Variants in LIMCH1 observed in about 807,000 individuals in gnomAD.
LIMCH1 encodes LIM and calponin homology domains 1, also known as LIM and calponin homology domains-containing protein 1.
LIMCH1 carries 113 observed loss-of-function variants against 176.5 expected under a neutral mutation model. The observed-to-expected ratio is 0.64, with a 90% CI of 0.55 to 0.75. The LOEUF is 0.75. LIMCH1 is among the 30% of genes least tolerant of loss of function. The pLI, the probability that LIMCH1 is intolerant of heterozygous loss-of-function variation, is 0.00. For synonymous variants in LIMCH1, 619 were observed against 645.9 expected (o/e 0.96, Z 0.63); for missense variants, 1,674 against 1,814.9 (o/e 0.92, Z 1.41).
At chr4:41,568,913 G>A (rs889056704) in intron 1 of LIMCH1, among the ~76,000 whole-genome samples, 1 of 150,898 alleles carries the variant, frequency 6.6e-6, no homozygotes, top group Non-Finnish European at 1.5e-5. Context: ...TTTTCTCTTT[G>A]TGTTTTTAGT....
At chr4:41,537,418 A>G (rs1043084611), upstream of LIMCH1, among the ~76,000 whole-genome samples, 41 of 152,366 alleles carry the variant, frequency 2.7e-4, no homozygotes, top group African/African-American at 7.7e-4. Flanking sequence ...CAGTAGCATG[A>G]ACAGCCATAA....
chr4:41,583,269 T>A (rs1021984532), intron 1 of LIMCH1, among the ~76,000 whole-genome samples: 3 of 152,176 alleles, frequency 2.0e-5, no homozygotes, highest in African/African-American at 7.2e-5. Flanking sequence ...CAAACCTGAG[T>A]GCTTAGGAAA....
At chr4:41,375,634 G>A (rs1290345448) in intron 1 of LIMCH1, among the ~76,000 whole-genome samples, 1 of 152,188 alleles carries the variant, frequency 6.6e-6, no homozygotes, top group Non-Finnish European at 1.5e-5. Flanking sequence ...TGCAGTTGCT[G>A]TTCACCGGAC....
chr4:41,644,363 C>A, intron 14 of LIMCH1, 137 bp from the exon 15 acceptor site: 1 of 1,181,348 alleles, frequency 8.5e-7, no homozygotes, highest in Non-Finnish European at 1.1e-6. Context: ...CACCGCCAGT[C>A]ACGCGCTGTG....
intron 1 of LIMCH1, among the ~76,000 whole-genome samples, chr4:41,576,861 G>A (rs1336219215): frequency 2.0e-5 from 3 of 152,076 alleles, no homozygotes; most frequent in Admixed American, 1.3e-4. Context: ...TTAAAATATG[G>A]AGGAGGATGT....
At chr4:41,467,634 T>C (rs760752664) in intron 1 of LIMCH1, among the ~76,000 whole-genome samples, 1 of 152,160 alleles carries the variant, frequency 6.6e-6, no homozygotes, top group Non-Finnish European at 1.5e-5. Context: ...ATTATTACAA[T>C]TCAAGGTGAG....
intron 1 of LIMCH1, among the ~76,000 whole-genome samples, chr4:41,469,665 G>GATTT (rs71198659): frequency 0.052 from 7,647 of 148,326 alleles, 289 homozygotes; most frequent in Admixed American, 0.13. Flanking sequence ...CTTGTTTTGA[G>GATTT]ATTTATTTAT....
chr4:41,407,832 T>C (rs1247679716), intron 1 of LIMCH1, among the ~76,000 whole-genome samples: 1 of 152,126 alleles, frequency 6.6e-6, no homozygotes, highest in Non-Finnish European at 1.5e-5. Flanking sequence ...GCTGCTACTT[T>C]CCCAGGTTCT....
rs1326974870 is a variant in LIMCH1 at position 41,698,480 on chromosome 4, G to A, written c.*1295G>A. The A allele has an allele frequency of 6.6e-6, 1 of 152,414 alleles. No homozygotes were observed. Among genetic ancestry groups the A allele is most frequent in the Admixed American group, 6.5e-5 (1 of 15,270 alleles). The allele number at this position is 152,414 out of a possible 1,614,324, so 9.4% of individuals were successfully genotyped here. A position where few individuals can be genotyped will look rare whatever the true frequency, so the allele number is the denominator to read the frequency against. On this transcript the variant is annotated 3_prime_UTR_variant, in exon 32 of 32. Transcript: ENST00000503057. ...AGTTATTAAAAAGCATCACAATGTA[G>A]ATCTCCAGGCTGGTTTTTTGTTTTT... is the stretch of plus-strand genomic sequence containing the variant.
At chr4:41,505,244 G>C (rs2073997427) in intron 2 of LIMCH1, among the ~76,000 whole-genome samples, 1 of 152,102 alleles carries the variant, frequency 6.6e-6, no homozygotes, top group Admixed American at 6.5e-5. Context: ...TTGGCACCCT[G>C]TACCACTGGC....
chr4:41,468,620 A>G (rs2066508873), intron 1 of LIMCH1, among the ~76,000 whole-genome samples: 1 of 151,898 alleles, frequency 6.6e-6, no homozygotes. Flanking sequence ...TAGACAGTAC[A>G]TATCTTACCA....
intron 1 of LIMCH1, among the ~76,000 whole-genome samples, chr4:41,466,058 A>C (rs574671096): frequency 1.3e-5 from 2 of 150,622 alleles, no homozygotes; most frequent in Non-Finnish European, 2.9e-5. Flanking sequence ...TGCTGGATTC[A>C]AGTGATTCTC....
At chr4:41,591,173 G>A (rs1340249480) in intron 1 of LIMCH1, among the ~76,000 whole-genome samples, 2 of 152,084 alleles carry the variant, frequency 1.3e-5, no homozygotes. Flanking sequence ...CCTTTCTGAG[G>A]TATGCTAGTC....
chr4:41,398,123 G>A (rs1173761346), intron 1 of LIMCH1, among the ~76,000 whole-genome samples: 1 of 149,450 alleles, frequency 6.7e-6, no homozygotes, highest in Non-Finnish European at 1.5e-5. Context: ...AAAAAGAAAT[G>A]TTGAAGAACT....
In LIMCH1 at chr4:41,619,460, G is replaced by C. The variant is rs1359371794; in HGVS notation, c.458+20G>C. On this transcript the variant is annotated intron_variant, in intron 6 of 31. Coordinates refer to ENST00000503057, the MANE Select transcript of LIMCH1 (RefSeq NM_001330672.2). ...CTTCAGGTAAGGCCTGAGCACCGCTGCCCTCTTCCTGGCTTGGGCATGAGT... is the reference window on the plus strand; with the variant it reads ...CTTCAGGTAAGGCCTGAGCACCGCTCCCCTCTTCCTGGCTTGGGCATGAGT... 1 of 1,603,356 alleles carries C rather than the reference G, an allele frequency of 6.2e-7. No homozygotes were observed. Among genetic ancestry groups the C allele is most frequent in the South Asian group, 1.1e-5 (1 of 91,030 alleles).
intron 5 of LIMCH1, 98 bp downstream of exon 5, chr4:41,613,759 C>T: frequency 1.0e-6 from 1 of 971,534 alleles, no homozygotes; most frequent in Non-Finnish European, 1.6e-6. Flanking sequence ...AAAGCAGGCT[C>T]CATATCCACC....
Position 41,360,961 on chromosome 4 carries a change from G to T in LIMCH1, c.96+25G>T. ...GGTAGGTGCGGGTGGCTGGCGGGCG[G>T]CCTTGCACTGGCGCCCTGAGCCACG... is the stretch of plus-strand genomic sequence containing the variant. On this transcript the variant is annotated intron_variant, in intron 1 of 26. Coordinates refer to the LIMCH1 transcript ENST00000313860. This position sits in a 1 kb window ranked among gnomAD's most constrained non-coding sequence, Gnocchi z 4.5. The T allele has an allele frequency of 6.5e-7, 1 of 1,533,030 alleles. No individual in the cohort carries two copies. The highest frequency in any genetic ancestry group is 8.8e-7 in the Non-Finnish European group (1 of 1,135,854). The allele number at this position is 1,533,030 out of a possible 1,614,324, so 95.0% of individuals were successfully genotyped here.
chr4:41,671,684 T>G, intron 22 of LIMCH1, 90 bp downstream of exon 22: 1 of 1,031,396 alleles, frequency 9.7e-7, no homozygotes, highest in Non-Finnish European at 1.5e-6. Flanking sequence ...TCAGGCCGGG[T>G]GCAGGCGGTG....
intron 23 of LIMCH1, among the ~76,000 whole-genome samples, chr4:41,678,453 C>T (rs777532466): frequency 2.6e-5 from 4 of 152,130 alleles, no homozygotes; most frequent in Non-Finnish European, 5.9e-5. Context: ...CATTGTGAGA[C>T]GTGCACCCCT....
Sources: allele counts gnomAD v4.1 joint callset (sites outside exome capture counted in the v4.1 genomes callset), GRCh38; gene constraint gnomAD v4.1.1; non-coding constraint Gnocchi (gnomAD v3.1); transcripts MANE v1.5; gene names NCBI Gene and HGNC (gene_info 2026-07-23, HGNC 2026-07-21).